GPBP1: variants seen among roughly 807,000 people sequenced by gnomAD.
The protein encoded by GPBP1 is vasculin.
In GPBP1, 13 loss-of-function variants were observed where a neutral mutation model predicts 56.5. The observed-to-expected ratio is 0.23, with a 90% confidence interval of 0.15 to 0.37. The LOEUF is 0.37. Ranked by LOEUF, GPBP1 falls within the 10% of genes least tolerant of loss-of-function variation. GPBP1 has a pLI of 1.00. For synonymous variants in GPBP1, 204 were observed against 188.9 expected (o/e 1.08, Z -0.66); for missense variants, 477 against 572.3 (o/e 0.83, Z 1.70).
At chr5:57,207,708 A>G (rs1193072214) in intron 2 of GPBP1, among the ~76,000 whole-genome samples, 1 of 152,212 alleles carries the variant, frequency 6.6e-6, no homozygotes, top group Non-Finnish European at 1.5e-5. Context: ...AGTTTCCAGC[A>G]GATGGATGGG....
Position 57,225,411 on chromosome 5 carries a change from A to G in GPBP1, c.64-5435A>G, listed in dbSNP as rs190144467. Among the ~76,000 whole-genome samples the G allele has an allele frequency of 6.6e-4, 99 of 150,356 alleles. 1 individual carries two copies. In the East Asian group the frequency reaches 0.018, roughly 27 times the overall value. Reference sequence around the variant, plus strand: ...CGGGAGGCTGAGGCAGGAGAATGGCATGAACCCGGGAGGCGGAGCTTGCAG... The same window carrying G: ...CGGGAGGCTGAGGCAGGAGAATGGCGTGAACCCGGGAGGCGGAGCTTGCAG... On this transcript the variant is annotated intron_variant, in intron 3 of 11. Coordinates refer to ENST00000506184, the MANE Select transcript of GPBP1 (RefSeq NM_022913.4).
At chr5:57,209,679 G>A (rs1302203459) in intron 2 of GPBP1, among the ~76,000 whole-genome samples, 1 of 151,966 alleles carries the variant, frequency 6.6e-6, no homozygotes, top group Non-Finnish European at 1.5e-5. Flanking sequence ...TTTCTAGTTT[G>A]TTGAGTATTT....
At chr5:57,202,686 C>T (rs1375306549) in intron 2 of GPBP1, among the ~76,000 whole-genome samples, 3 of 152,142 alleles carry the variant, frequency 2.0e-5, no homozygotes, top group Admixed American at 2.0e-4. Flanking sequence ...GTCTACACTT[C>T]TAAGAGGATT....
At chr5:57,207,622 T>G (rs1052264762) in intron 2 of GPBP1, among the ~76,000 whole-genome samples, 1 of 152,182 alleles carries the variant, frequency 6.6e-6, no homozygotes, top group Non-Finnish European at 1.5e-5. Flanking sequence ...GACAGAGGGC[T>G]TTTTTGCCTT....
chr5:57,178,330 C>T (rs1252622547), intron 2 of GPBP1, among the ~76,000 whole-genome samples: 2 of 152,166 alleles, frequency 1.3e-5, no homozygotes, highest in Non-Finnish European at 1.5e-5. Flanking sequence ...TCACTGCAAC[C>T]TCCGCCTCCT....
At chr5:57,182,988 T>C (rs1337972446) in intron 2 of GPBP1, among the ~76,000 whole-genome samples, 1 of 152,214 alleles carries the variant, frequency 6.6e-6, no homozygotes, top group Non-Finnish European at 1.5e-5. Context: ...TGGCCCCCTT[T>C]AATTCTTAAT....
intron 3 of GPBP1, among the ~76,000 whole-genome samples, chr5:57,215,482 C>CT (rs1454839215): frequency 6.6e-6 from 1 of 152,194 alleles, no homozygotes; most frequent in African/African-American, 2.4e-5. Flanking sequence ...TCATTAATGC[C>CT]TGAAGGGCCT....
intron 2 of GPBP1, among the ~76,000 whole-genome samples, chr5:57,205,021 C>T (rs996284662): frequency 2.0e-5 from 3 of 152,138 alleles, no homozygotes; most frequent in Non-Finnish European, 4.4e-5. Flanking sequence ...TTAGTACATT[C>T]ATAGTGTTTT....
intron 9 of GPBP1, 65 bp from the exon 10 acceptor site, chr5:57,250,889 A>C (rs1271306956): frequency 9.0e-7 from 1 of 1,115,268 alleles, no homozygotes; most frequent in East Asian, 2.6e-5. Flanking sequence ...ATCTATTAAA[A>C]GTTTTTAATA....
At chr5:57,249,657 C>T (rs1251465222) in intron 9 of GPBP1, 81 bp downstream of exon 9, 8 of 1,085,988 alleles carry the variant, frequency 7.4e-6, no homozygotes, top group Non-Finnish European at 1.0e-5. Context: ...CCTTGGAATA[C>T]ATTTGAATCA....
rs13353933 is a variant in GPBP1 at position 57,232,927 on chromosome 5, A to G, written c.411+1606A>G. The stretch of plus-strand genomic sequence containing the variant: ...TATGTTTAAGGGATAAAAGGCTAGT[A>G]TGAGTAAAGAGTAGTTTAGTATTAG... On this transcript the variant is annotated intron_variant, in intron 5 of 11. Transcript: ENST00000506184. 3.0e-3 allele frequency among the ~76,000 whole-genome samples: 463 copies of G among 152,338 alleles called. 5 individuals are homozygous for G. The highest frequency in any genetic ancestry group is 0.01 in the African/African-American group (421 of 41,570).
At chr5:57,230,701 C>A in intron 3 of GPBP1, 145 bp from the exon 4 acceptor site, 1 of 711,836 alleles carries the variant, frequency 1.4e-6, no homozygotes, top group Non-Finnish European at 2.4e-6. Context: ...TACAGTTACC[C>A]AGTTATCAAA....
At chr5:57,195,992 AAAAAAAAAAAAAAAT>A (rs1171379475) in intron 2 of GPBP1, among the ~76,000 whole-genome samples, 2 of 149,004 alleles carry the variant, frequency 1.3e-5, no homozygotes, top group South Asian at 2.1e-4. Flanking sequence ...AAAAAAAAAA[AAAAAAAAAAAAAAAT>A]TTTTTTTTTT....
At position 57,263,548 on chromosome 5, in the gene GPBP1, T is replaced by G. The variant is rs1741996035; in HGVS notation, c.*796T>G. ...AGAAAAACTGATCACACTGACTGGA[T>G]CTGTCCACGACATGGAAAATAAACT... On this transcript the variant is annotated 3_prime_UTR_variant, in exon 12 of 12. Coordinates refer to ENST00000506184, the MANE Select transcript of GPBP1 (RefSeq NM_022913.4). 1.3e-5 allele frequency: 2 copies of G among 152,222 alleles called. No individual in the cohort carries two copies. The highest frequency in any genetic ancestry group is 1.3e-4 in the Admixed American group (2 of 15,276). The allele number at this position is 152,222 out of a possible 1,614,324, so 9.4% of individuals were successfully genotyped here.
chr5:57,205,257 G>GT (rs1296073152), intron 2 of GPBP1, among the ~76,000 whole-genome samples: 1 of 152,150 alleles, frequency 6.6e-6, no homozygotes, highest in Admixed American at 6.5e-5. Context: ...CTCAGCATGT[G>GT]TTAGTAATTC....
Position 57,210,979 on chromosome 5 carries a change from C to T in GPBP1, c.-57-3095C>T, listed in dbSNP as rs151120371. ...ACATTTGAGGTATTGGGGGCTATGA[C>T]TTCAACATACAAATCTTGTTGGTTG... On this transcript the variant is annotated intron_variant, in intron 2 of 11. Transcript: ENST00000506184. Among the ~76,000 whole-genome samples the T allele has an allele frequency of 4.3e-4, 66 of 152,252 alleles. 1 individual carries two copies. The highest frequency in any genetic ancestry group is 1.4e-3 in the African/African-American group (58 of 41,560).
intron 1 of GPBP1, 109 bp from the exon 2 acceptor site, chr5:57,175,339 G>A (rs1403123022): frequency 2.6e-5 from 10 of 387,278 alleles, no homozygotes; most frequent in Non-Finnish European, 4.1e-5. Flanking sequence ...CTCCTGTAGG[G>A]TTATATAGAA....
chr5:57,183,741 T>C (rs1477102269), intron 2 of GPBP1, among the ~76,000 whole-genome samples: 1 of 151,746 alleles, frequency 6.6e-6, no homozygotes, highest in Non-Finnish European at 1.5e-5. Flanking sequence ...ATAGCTAATA[T>C]TTTTTAATAC....
In GPBP1 at chr5:57,231,326, G is replaced by GT. The variant is rs1254526727; in HGVS notation, c.411+11dup. 13 of 1,604,822 alleles carry GT rather than the reference G, an allele frequency of 8.1e-6. No individual in the cohort carries two copies. Among genetic ancestry groups the GT allele is most frequent in the South Asian group, 2.2e-5 (2 of 90,046 alleles). On this transcript the variant is annotated splice_donor_region_variant and intron_variant, in intron 5 of 11. Coordinates refer to ENST00000506184, the MANE Select transcript of GPBP1 (RefSeq NM_022913.4). ...CAGTTTGAAGCTGAGGATTTTGTAAGTTTTTTATGACTTTTATACAAATGA... is the reference window on the plus strand; with the variant it reads ...CAGTTTGAAGCTGAGGATTTTGTAAGTTTTTTTATGACTTTTATACAAATGA...
Sources: gnomAD v4.1 joint callset for allele counts (sites outside exome capture counted in the v4.1 genomes callset) on GRCh38, gnomAD v4.1.1 for gene constraint, MANE v1.5 for transcripts, NCBI Gene and HGNC (gene_info 2026-07-23, HGNC 2026-07-21) for gene names.